Variants in SBNO2 observed in about 807,000 individuals in gnomAD.
The protein encoded by SBNO2 is protein strawberry notch homolog 2.
A neutral mutation model predicts 146.3 loss-of-function variants in SBNO2; 89 were observed. That is an observed-to-expected ratio of 0.61 (90% confidence interval 0.51 to 0.73). The LOEUF (loss-of-function observed/expected upper bound fraction) is 0.73, where lower values mean the gene tolerates loss of function less well. SBNO2 is among the 30% of genes least tolerant of loss of function. SBNO2 has a pLI of 0.00. For synonymous variants in SBNO2, 1,147 were observed against 892.6 expected, an observed-to-expected ratio of 1.29 and a Z score of -5.08; for missense variants, 2,092 against 2,003.7, an observed-to-expected ratio of 1.04 and a Z score of -0.84.
At chr19:1,167,310 C>T (rs1485249145) in intron 1 of SBNO2, among the ~76,000 whole-genome samples, 3 of 152,398 alleles carry the variant, frequency 2.0e-5, no homozygotes, top group South Asian at 2.1e-4. Flanking sequence ...ACGACACCCA[C>T]GCGCCCTCTC....
intron 19 of SBNO2, among the ~76,000 whole-genome samples, chr19:1,113,219 C>T (rs1208306367): frequency 6.6e-6 from 1 of 152,142 alleles, no homozygotes; most frequent in Non-Finnish European, 1.5e-5. Flanking sequence ...GAACCAGGCC[C>T]AGGGGCTTGT....
intron 1 of SBNO2, among the ~76,000 whole-genome samples, chr19:1,166,635 A>G (rs2080428626): frequency 6.6e-6 from 1 of 152,012 alleles, no homozygotes. Flanking sequence ...ACACACACAC[A>G]CACACACACA....
In SBNO2 at chr19:1,108,234, G is replaced by A. The variant is rs764619413; in HGVS notation, c.4087C>T (p.Gln1363Ter). 3.9e-6 allele frequency: 6 copies of A among 1,527,200 alleles called. No individual in the cohort carries two copies. Among genetic ancestry groups the A allele is most frequent in the Non-Finnish European group, 2.6e-6 (3 of 1,135,328 alleles). 94.6% of individuals were successfully genotyped at this position (1,527,200 alleles called of 1,614,324 possible). A position where few individuals can be genotyped will look rare whatever the true frequency, so the allele number is the denominator to read the frequency against. The change falls in exon 32 of 32, where the codon CAG becomes TAG. Residue 1363 changes from glutamine to a stop codon, truncating the protein, a stop_gained. Coordinates refer to ENST00000361757, the MANE Select transcript of SBNO2 (RefSeq NM_014963.3). LOFTEE classifies it high-confidence loss of function. ...IQFSPPFPGA[Q>*]APL is the part of the protein sequence containing the mutation. ...CTAAAGGCGTGTCAGAGAGGAGCCT[G>A]GGCGCCGGGGAAGGGTGGGCTGAAC...
At chr19:1,154,138 G>T in intron 2 of SBNO2, 46 bp downstream of exon 2, 2 of 976,326 alleles carry the variant, frequency 2.0e-6, no homozygotes, top group Non-Finnish European at 2.6e-6. Context: ...CGGGGCAAGT[G>T]CCCGTGGACC....
At chr19:1,171,590 G>A (rs575716927) in intron 1 of SBNO2, among the ~76,000 whole-genome samples, 1 of 152,164 alleles carries the variant, frequency 6.6e-6, no homozygotes, top group Non-Finnish European at 1.5e-5. Context: ...GACTGGTTCT[G>A]TCGACACAGT....
intron 23 of SBNO2, 76 bp downstream of exon 23, chr19:1,111,920 C>A: frequency 7.3e-7 from 1 of 1,361,118 alleles, no homozygotes; most frequent in East Asian, 2.5e-5. Flanking sequence ...CTACCCCCTC[C>A]CCCAGGCTCT....
Position 1,119,752 on chromosome 19 carries a change from G to C in SBNO2, c.1268-131C>G, listed in dbSNP as rs930254786. ...AGCCATGGGCCTGAAGAGAGCCAGCGTGGCCTTGGGACAGGCGCAGAGGTG... is the reference window on the plus strand; with the variant it reads ...AGCCATGGGCCTGAAGAGAGCCAGCCTGGCCTTGGGACAGGCGCAGAGGTG... On this transcript the variant is annotated intron_variant, in intron 12 of 31. Transcript: ENST00000361757. The C allele has an allele frequency of 7.2e-6, 7 of 970,156 alleles. No homozygotes were observed. In the African/African-American group the frequency reaches 1.1e-4, roughly 16 times the overall value. The allele number at this position is 970,156 out of a possible 1,614,324, so 60.1% of individuals were successfully genotyped here. A position where few individuals can be genotyped will look rare whatever the true frequency, so the allele number is the denominator to read the frequency against.
At chr19:1,161,955 A>G (rs1368641790) in intron 1 of SBNO2, among the ~76,000 whole-genome samples, 2 of 126,770 alleles carry the variant, frequency 1.6e-5, no homozygotes, top group Admixed American at 9.3e-5. Flanking sequence ...AGGAGCCGAC[A>G]TACAGCTTCC....
At position 1,144,162 on chromosome 19, in the gene SBNO2, G is replaced by A. The variant is rs895810617; in HGVS notation, c.279+3147C>T. ...CGTCCCGTCCCACACTTGGCACCGCGGGACCACGCATCCCGTCCCACACTC... is the reference window on the plus strand; with the variant it reads ...CGTCCCGTCCCACACTTGGCACCGCAGGACCACGCATCCCGTCCCACACTC... On this transcript the variant is annotated intron_variant, in intron 4 of 31. Transcript: ENST00000361757. The surrounding 1 kb of genome is among the most constrained non-coding windows in gnomAD (Gnocchi z 4.1). Among the ~76,000 whole-genome samples the A allele has an allele frequency of 6.6e-6, 1 of 151,422 alleles. No homozygotes were observed. The highest frequency in any genetic ancestry group is 1.9e-4 in the East Asian group (1 of 5,154).
In SBNO2 at chr19:1,108,827, AGCT is replaced by A. The variant is rs757700276; in HGVS notation, c.3565_3567del (p.Ser1189del). 5.0e-6 allele frequency: 8 copies of A among 1,602,142 alleles called. No individual in the cohort carries two copies. The highest frequency in any genetic ancestry group is 3.3e-5 in the Admixed American group (2 of 59,868). ...GTCTTCAGCCGCACGATCTGCAGGT[AGCT>A]GCTGCTGCTGACGTCGGCCATGACG... On this transcript the variant is annotated inframe_deletion, in exon 31 of 32. Coordinates refer to ENST00000361757, the MANE Select transcript of SBNO2 (RefSeq NM_014963.3).
intron 10 of SBNO2, 25 bp from the exon 11 acceptor site, chr19:1,122,307 G>A: frequency 4.5e-6 from 7 of 1,542,880 alleles, no homozygotes; most frequent in Non-Finnish European, 6.1e-6. Context: ...AACAGGTGTG[G>A]AATGGGGCCC....
At chr19:1,132,341 G>C in intron 4 of SBNO2, 2 of 1,255,880 alleles carry the variant, frequency 1.6e-6, no homozygotes, top group South Asian at 2.3e-5. Context: ...AAATGATGCC[G>C]GCCCCGTAAG....
rs1306534458 is a variant in SBNO2 at position 1,153,194 on chromosome 19, A to T, written c.93+990T>A. Among the ~76,000 whole-genome samples the T allele has an allele frequency of 7.3e-5, 11 of 151,694 alleles. No homozygotes were observed. In the South Asian group the frequency reaches 1.2e-3, roughly 17 times the overall value. On this transcript the variant is annotated intron_variant, in intron 2 of 31. Transcript: ENST00000361757. ...AAATAAAATAAAATGAAATAAAATA[A>T]AAATAAATATATATATACACGTTTA...
intron 1 of SBNO2, among the ~76,000 whole-genome samples, chr19:1,156,745 G>A (rs780122451): frequency 1.6e-4 from 24 of 152,230 alleles, no homozygotes; most frequent in Middle Eastern, 3.4e-3. Context: ...GAGACGCCAG[G>A]CACAGATGTG....
At position 1,112,213 on chromosome 19, in the gene SBNO2, G is replaced by T. The variant is rs370744417; in HGVS notation, c.2604C>A (p.Ile868=). 1.4e-5 allele frequency: 22 copies of T among 1,589,678 alleles called. No homozygotes were observed. The South Asian group carries it at 2.3e-4, about 16-fold the overall frequency. ...CCAGACTCTCCAGGCGCTTGGCCAC[G>T]ATGGAGGCGAACCGGCGCTCCCCGG... ...ELAGERRFAS[I]VAKRLESLGA... Residue 868 remains isoleucine, a synonymous_variant, in exon 22 of 32, where the codon ATC becomes ATA. Transcript: ENST00000361757. The surrounding 1 kb of genome is among the most constrained non-coding windows in gnomAD (Gnocchi z 5.9).
chr19:1,118,359 C>T (rs1041458239), intron 14 of SBNO2, among the ~76,000 whole-genome samples: 1 of 151,768 alleles, frequency 6.6e-6, no homozygotes. Flanking sequence ...AAAAAAAAAA[C>T]CATCGAACAT....
chr19:1,168,193 G>A (rs1001865304), intron 1 of SBNO2, among the ~76,000 whole-genome samples: 5 of 152,238 alleles, frequency 3.3e-5, no homozygotes, highest in East Asian at 3.9e-4. Context: ...CCCCCACCCC[G>A]GGGCAGCGTT....
At chr19:1,123,164 G>T in intron 7 of SBNO2, 119 bp from the exon 8 acceptor site, 1 of 1,184,076 alleles carries the variant, frequency 8.4e-7, no homozygotes, top group Non-Finnish European at 1.2e-6. Context: ...GTTTGGGGGC[G>T]TGGCCAGGTC....
chr19:1,153,394 C>G (rs557659119), intron 2 of SBNO2, among the ~76,000 whole-genome samples: 1 of 151,106 alleles, frequency 6.6e-6, no homozygotes, highest in East Asian at 2.0e-4. Context: ...CCTGCCACCA[C>G]GCCAGGCTAA....
Sources: gnomAD v4.1 joint callset for allele counts (sites outside exome capture counted in the v4.1 genomes callset) on GRCh38, gnomAD v4.1.1 for gene constraint, Gnocchi (gnomAD v3.1) non-coding constraint, MANE v1.5 for transcripts, NCBI Gene and HGNC (gene_info 2026-07-23, HGNC 2026-07-21) for gene names.